The following GLE1 variants were observed in gnomAD, a reference collection of about 807,000 sequenced individuals.
GLE1 encodes mRNA export factor GLE1.
A neutral mutation model predicts 97.3 loss-of-function variants in GLE1; 78 were observed. The ratio of observed to expected loss-of-function variants is 0.80; its 90% CI spans 0.67 to 0.97. The LOEUF (loss-of-function observed/expected upper bound fraction) is 0.97. Ranked by LOEUF, GLE1 falls within the 50% of genes least tolerant of loss-of-function variation. GLE1 has a pLI of 0.00. For missense variants in GLE1, 753 were observed against 857.5 expected (o/e 0.88, Z 1.52); for synonymous variants, 302 against 313.4 (o/e 0.96, Z 0.39).
At chr9:128,516,918 G>A (rs529630686) in intron 3 of GLE1, among the ~76,000 whole-genome samples, 14 of 152,072 alleles carry the variant, frequency 9.2e-5, no homozygotes, top group African/African-American at 2.7e-4. Flanking sequence ...AAGCCACTGC[G>A]CCCAGCATGT....
rs543589909 is a variant in GLE1, at chr9:128,509,086, A to T, written c.310A>T (p.Asn104Tyr). 6.3e-7 allele frequency: 1 copy of T among 1,597,500 alleles called. No homozygotes were observed. Among genetic ancestry groups the T allele is most frequent in the Non-Finnish European group, 8.6e-7 (1 of 1,164,910 alleles). The part of the protein sequence containing the change: ...AFSPASPATP[N>Y]GTKGKDESQH... ...TTCCCCAGCCTCCCCTGCAACACCA[A>T]ATGGAACCAAGGTAAGGTTGTGATC... Residue 104 changes from asparagine to tyrosine, a missense_variant, in exon 2 of 16, where the codon AAT becomes TAT. Transcript: ENST00000309971.
At chr9:128,512,736 C>T (rs915048051) in intron 2 of GLE1, among the ~76,000 whole-genome samples, 1 of 151,780 alleles carries the variant, frequency 6.6e-6, no homozygotes, top group East Asian at 1.9e-4. Context: ...GGCGTGATCT[C>T]GACTCACTGC....
intron 11 of GLE1, 95 bp from the exon 12 acceptor site, chr9:128,536,260 C>T (rs1218681831): frequency 2.1e-6 from 2 of 933,816 alleles, no homozygotes; most frequent in Admixed American, 1.8e-5. Context: ...TCTTGAACTC[C>T]TGGCCTCAAG....
Position 128,515,563 on chromosome 9 carries a change from T to C in GLE1, c.356T>C (p.Val119Ala), listed in dbSNP as rs751329882. 1.9e-6 allele frequency: 3 copies of C among 1,605,166 alleles called. No individual in the cohort carries two copies. The highest frequency in any genetic ancestry group is 2.6e-6 in the Non-Finnish European group (3 of 1,171,804). ...KDESQHTESM[V>A]LQSSRGIKVE... is the part of the protein sequence containing the mutation. Reference sequence around the variant, plus strand: ...GAGTCCCAGCACACAGAATCTATGGTACTTCAGTCCTCACGGGGGATCAAA... The same window carrying C: ...GAGTCCCAGCACACAGAATCTATGGCACTTCAGTCCTCACGGGGGATCAAA... The change falls in exon 3 of 16, where the codon GTA becomes GCA. Residue 119 changes from valine (V) to alanine (A), a missense_variant. Coordinates refer to ENST00000309971, the MANE Select transcript of GLE1 (RefSeq NM_001003722.2).
chr9:128,532,373 C>T (rs1490570860), intron 9 of GLE1, among the ~76,000 whole-genome samples: 3 of 151,372 alleles, frequency 2.0e-5, no homozygotes, highest in Admixed American at 1.3e-4. Flanking sequence ...TTACAGGCAC[C>T]CGCCACCACA....
rs1846590395 is a variant in GLE1 at position 128,504,774 on chromosome 9, G to A, written c.-32G>A. Reference sequence around the variant, plus strand: ...TTCGAGGGCTTGTTTGGTCAGAAGGGGGGCGTCAGAGAAGCTGCCCCTTAG... The same window carrying A: ...TTCGAGGGCTTGTTTGGTCAGAAGGAGGGCGTCAGAGAAGCTGCCCCTTAG... On this transcript the variant is annotated 5_prime_UTR_variant, in exon 1 of 16. Coordinates refer to ENST00000309971, the MANE Select transcript of GLE1 (RefSeq NM_001003722.2). The A allele has an allele frequency of 7.2e-7, 1 of 1,393,818 alleles. No homozygotes were observed. The allele number at this position is 1,393,818 out of a possible 1,614,324, so 86.3% of individuals were successfully genotyped here.
At position 128,535,833 on chromosome 9, in the gene GLE1, G is replaced by A. The variant is rs570599238; in HGVS notation, c.1647-522G>A. ...TCCATCTCAAAAAAAAAAATTAGCC[G>A]GCTATGGTGGCATGTGCCTGTGGTC... On this transcript the variant is annotated intron_variant, in intron 11 of 15. Coordinates refer to ENST00000309971, the MANE Select transcript of GLE1 (RefSeq NM_001003722.2). 8.6e-5 allele frequency among the ~76,000 whole-genome samples: 13 copies of A among 151,532 alleles called. No individual in the cohort carries two copies. In the South Asian group the frequency reaches 1.3e-3, roughly 15 times the overall value.
intron 15 of GLE1, chr9:128,540,569 G>A: frequency 1.8e-6 from 1 of 549,224 alleles, no homozygotes; most frequent in Non-Finnish European, 3.3e-6. Context: ...GCTGAGATGA[G>A]TAAAATATAT....
chr9:128,513,809 G>C (rs1458647339), intron 2 of GLE1, among the ~76,000 whole-genome samples: 1 of 151,692 alleles, frequency 6.6e-6, no homozygotes, highest in African/African-American at 2.4e-5. Flanking sequence ...GAGGTCAAGA[G>C]ATCAAGACCA....
At chr9:128,535,547 G>A (rs935322072) in intron 11 of GLE1, among the ~76,000 whole-genome samples, 3 of 148,272 alleles carry the variant, frequency 2.0e-5, no homozygotes, top group African/African-American at 7.5e-5. Context: ...AAGGCCAGGC[G>A]CGGTGGCTCA....
intron 13 of GLE1, among the ~76,000 whole-genome samples, chr9:128,538,719 A>G (rs1255523311): frequency 1.3e-5 from 2 of 152,018 alleles, no homozygotes; most frequent in Non-Finnish European, 2.9e-5. Flanking sequence ...TCGCTTGAAC[A>G]GGATCTCACT....
At chr9:128,511,245 AAAAT>A (rs1461563160) in intron 2 of GLE1, among the ~76,000 whole-genome samples, 5 of 148,928 alleles carry the variant, frequency 3.4e-5, no homozygotes, top group Non-Finnish European at 5.9e-5. Context: ...TAATAACAAC[AAAAT>A]AAATAATATA....
intron 13 of GLE1, among the ~76,000 whole-genome samples, chr9:128,539,299 C>A (rs1464121804): frequency 6.6e-6 from 1 of 152,158 alleles, no homozygotes; most frequent in Non-Finnish European, 1.5e-5. Context: ...TTTGAGAACA[C>A]AAGTGGTATT....
At chr9:128,508,009 C>T (rs1470003227) in intron 1 of GLE1, among the ~76,000 whole-genome samples, 18 of 151,930 alleles carry the variant, frequency 1.2e-4, no homozygotes, top group Admixed American at 2.6e-4. Flanking sequence ...GAGAAAACCC[C>T]GTATCTACTA....
intron 11 of GLE1, among the ~76,000 whole-genome samples, chr9:128,534,943 T>A (rs1847651712): frequency 6.6e-6 from 1 of 151,762 alleles, no homozygotes; most frequent in Non-Finnish European, 1.5e-5. Context: ...GGTCTCGATC[T>A]CTTGACCTTG....
rs1280074353 is a variant in GLE1, at chr9:128,523,980, C to T, written c.897+134C>T. The T allele has an allele frequency of 7.5e-6, 6 of 795,142 alleles. No individual in the cohort carries two copies. In the Admixed American group the frequency reaches 9.0e-5, roughly 12 times the overall value. The allele number at this position is 795,142 out of a possible 1,614,324, so 49.3% of individuals were successfully genotyped here. ...AAATACCAAACATTACTTGTTATCT[C>T]CATATCTCTTTACCTAGAAGTAACC... On this transcript the variant is annotated intron_variant, in intron 6 of 15. Coordinates refer to ENST00000309971, the MANE Select transcript of GLE1 (RefSeq NM_001003722.2).
intron 2 of GLE1, among the ~76,000 whole-genome samples, chr9:128,514,068 T>C (rs576882443): frequency 6.6e-6 from 1 of 150,800 alleles, no homozygotes. Context: ...CCAGGCATAG[T>C]GGCTCATGCC....
intron 9 of GLE1, chr9:128,528,919 C>T (rs1371490671): frequency 6.6e-6 from 1 of 152,180 alleles, no homozygotes; most frequent in African/African-American, 2.4e-5. Flanking sequence ...ACTGAGCTGC[C>T]AGGTGGCTGG....
At chr9:128,512,672 C>T (rs1846858607) in intron 2 of GLE1, among the ~76,000 whole-genome samples, 1 of 144,302 alleles carries the variant, frequency 6.9e-6, no homozygotes, top group Admixed American at 7.0e-5. Context: ...TTGCTGAGGT[C>T]TTTTTTTTTT....
Sources: allele counts gnomAD v4.1 joint callset (sites outside exome capture counted in the v4.1 genomes callset), GRCh38; gene constraint gnomAD v4.1.1; transcripts MANE v1.5; gene names NCBI Gene and HGNC (gene_info 2026-07-23, HGNC 2026-07-21).